PDE1A: variants seen among roughly 807,000 people sequenced by gnomAD.
PDE1A encodes the protein phosphodiesterase 1A.
A neutral mutation model predicts 61.7 loss-of-function variants in PDE1A; 35 were observed. The observed-to-expected ratio is 0.57, with a 90% CI of 0.43 to 0.75. The LOEUF is 0.75. PDE1A is among the 30% of genes least tolerant of loss of function. PDE1A has a pLI of 0.00. For synonymous variants in PDE1A, 232 were observed against 213.2 expected (o/e 1.09, Z -0.77); for missense variants, 597 against 630.6 (o/e 0.95, Z 0.57).
At position 182,371,554 on chromosome 2, in the gene PDE1A, A is replaced by G. The variant is rs376781903; in HGVS notation, c.53+55024T>C. Among the ~76,000 whole-genome samples the G allele has an allele frequency of 3.3e-4, 51 of 152,260 alleles. No individual in the cohort carries two copies. In the South Asian group the frequency reaches 9.1e-3, roughly 27 times the overall value. On this transcript the variant is annotated intron_variant, in intron 1 of 13. Coordinates refer to ENST00000351439, the Ensembl canonical transcript of PDE1A. ...AGGCAGAAGAATTGACACATTTACA[A>G]TTTTGCCCTAATAGACATTTTTAAA...
the PDE1A span, among the ~76,000 whole-genome samples, chr2:182,556,415 T>C: frequency 6.6e-6 from 1 of 152,224 alleles, no homozygotes; most frequent in Non-Finnish European, 1.5e-5. Flanking sequence ...AATTATTCTA[T>C]ATAATGTTAA....
At chr2:182,178,684 G>C (rs1462745602) in intron 13 of PDE1A, among the ~76,000 whole-genome samples, 1 of 152,098 alleles carries the variant, frequency 6.6e-6, no homozygotes, top group Non-Finnish European at 1.5e-5. Flanking sequence ...TGGCTGTGTA[G>C]AATGTCAGGA....
the PDE1A span, among the ~76,000 whole-genome samples, chr2:182,532,973 A>C: frequency 3.4e-5 from 5 of 148,326 alleles, 1 homozygote; most frequent in Admixed American, 1.3e-4. Flanking sequence ...AAAAAAAAAA[A>C]CAATGAATTT....
chr2:182,193,913 C>T (rs548111351), intron 10 of PDE1A, among the ~76,000 whole-genome samples: 19 of 152,114 alleles, frequency 1.2e-4, no homozygotes, highest in African/African-American at 4.6e-4. Context: ...TTTTGAAAAG[C>T]CAGATCCTTG....
At chr2:182,698,553 A>C in the PDE1A span, among the ~76,000 whole-genome samples, 140 of 152,344 alleles carry the variant, frequency 9.2e-4, no homozygotes, top group Non-Finnish European at 1.6e-3. Flanking sequence ...ATGTTATAAC[A>C]TGGAAAATAT....
the PDE1A span, among the ~76,000 whole-genome samples, chr2:182,594,421 A>G: frequency 1.3e-5 from 2 of 152,222 alleles, no homozygotes; most frequent in African/African-American, 2.4e-5. Context: ...CAACTCCTAC[A>G]CAGTGACTAC....
chr2:182,471,577 T>G lies in PDE1A; in HGVS notation c.101+50699A>C, dbSNP rs114873775. Among the ~76,000 whole-genome samples, 466 of 151,924 alleles carry G rather than the reference T, an allele frequency of 3.1e-3. 3 individuals are homozygous for G. The highest frequency in any genetic ancestry group is 0.011 in the African/African-American group (445 of 41,534). The stretch of plus-strand genomic sequence containing the variant: ...ATTCCTTTTACCTATTAAGATGCTA[T>G]GTACTACACACCACTTTATTACACT... On this transcript the variant is annotated intron_variant, in intron 2 of 14. Transcript: ENST00000410103.
At chr2:182,466,269 T>C (rs912410029) in intron 2 of PDE1A, among the ~76,000 whole-genome samples, 1 of 152,062 alleles carries the variant, frequency 6.6e-6, no homozygotes, top group East Asian at 1.9e-4. Flanking sequence ...CACATTTTCT[T>C]CCTAAGAGTT....
chr2:182,290,901 A>T (rs833159), intron 1 of PDE1A, among the ~76,000 whole-genome samples: 136,528 of 152,008 alleles, frequency 0.9, 61,438 homozygotes, highest in African/African-American at 0.94. Context: ...ATCTGCTCTT[A>T]CCCACCTACA....
At chr2:182,705,011 C>G in the PDE1A span, among the ~76,000 whole-genome samples, 1 of 152,074 alleles carries the variant, frequency 6.6e-6, no homozygotes, top group African/African-American at 2.4e-5. Context: ...TTAGATAGAT[C>G]CTGGAGAATG....
intron 2 of PDE1A, among the ~76,000 whole-genome samples, chr2:182,478,661 A>G (rs932064189): frequency 6.6e-6 from 1 of 151,942 alleles, no homozygotes; most frequent in South Asian, 2.1e-4. Context: ...ATGTCTGGAT[A>G]TCACTGCCAA....
At chr2:182,177,070 C>T (rs1413768592) in intron 13 of PDE1A, among the ~76,000 whole-genome samples, 2 of 151,312 alleles carry the variant, frequency 1.3e-5, no homozygotes, top group African/African-American at 2.4e-5. Flanking sequence ...TTTTGATGTG[C>T]TGCTGGATTC....
the PDE1A span, among the ~76,000 whole-genome samples, chr2:182,560,884 C>A: frequency 6.6e-6 from 1 of 152,116 alleles, no homozygotes; most frequent in African/African-American, 2.4e-5. Flanking sequence ...TGTTCATGTC[C>A]TTCACCCACT....
intron 2 of PDE1A, among the ~76,000 whole-genome samples, chr2:182,263,502 G>A (rs906528116): frequency 3.9e-5 from 6 of 151,920 alleles, no homozygotes; most frequent in Non-Finnish European, 5.9e-5. Flanking sequence ...CTGCTTTATG[G>A]CTGTGAAAAA....
At chr2:182,654,997 T>C in the PDE1A span, among the ~76,000 whole-genome samples, 141 of 152,266 alleles carry the variant, frequency 9.3e-4, 1 homozygote, top group Non-Finnish European at 1.5e-3. Context: ...GTACCACCAT[T>C]TGGCCTCAGA....
intron 1 of PDE1A, among the ~76,000 whole-genome samples, chr2:182,298,156 T>A (rs1481929559): frequency 3.3e-5 from 5 of 152,142 alleles, no homozygotes; most frequent in Non-Finnish European, 5.9e-5. Flanking sequence ...TGTGAAGAAT[T>A]GGGATAAAAT....
At chr2:182,562,289 C>CT in the PDE1A span, among the ~76,000 whole-genome samples, 1 of 151,152 alleles carries the variant, frequency 6.6e-6, no homozygotes, top group Non-Finnish European at 1.5e-5. Context: ...TGTCAAAGGC[C>CT]TTTTCTGCAT....
chr2:182,146,243 T>TCACTCCC, downstream of PDE1A, among the ~76,000 whole-genome samples: 1 of 152,190 alleles, frequency 6.6e-6, no homozygotes, highest in Non-Finnish European at 1.5e-5. Context: ...AATAATTTGG[T>TCACTCCC]AGACTGAAAA....
At chr2:182,212,949 C>A (rs967886428) in intron 7 of PDE1A, among the ~76,000 whole-genome samples, 1 of 150,802 alleles carries the variant, frequency 6.6e-6, no homozygotes, top group East Asian at 2.0e-4. Flanking sequence ...TCTGTAGGCC[C>A]CACCTCTGGG....
Sources: gnomAD v4.1 joint callset for allele counts (sites outside exome capture counted in the v4.1 genomes callset) on GRCh38, gnomAD v4.1.1 for gene constraint, MANE v1.5 for transcripts, NCBI Gene and HGNC (gene_info 2026-07-23, HGNC 2026-07-21) for gene names.